Variants in LARS1 observed in about 807,000 individuals in gnomAD.
The protein encoded by LARS1 is leucyl-tRNA synthetase 1, also known as leucine--tRNA ligase, cytoplasmic.
LARS1 carries 100 observed loss-of-function variants against 162.8 expected under a neutral mutation model. The observed-to-expected ratio is 0.61, with a 90% confidence interval of 0.52 to 0.73. The LOEUF is 0.73. Ranked by LOEUF, LARS1 falls within the 30% of genes least tolerant of loss-of-function variation. LARS1 has a pLI of 0.00. For synonymous variants in LARS1, 457 were observed against 462.8 expected (o/e 0.99, Z 0.16); for missense variants, 1,258 against 1,408.9 (o/e 0.89, Z 1.71).
intron 14 of LARS1, among the ~76,000 whole-genome samples, chr5:146,150,725 G>A (rs1260413673): frequency 1.3e-5 from 2 of 151,810 alleles, no homozygotes; most frequent in African/African-American, 4.8e-5. Context: ...ATCACTTGGG[G>A]TCAGGAGTTC....
chr5:146,118,104 T>G (rs991148855), intron 31 of LARS1, among the ~76,000 whole-genome samples: 1 of 152,158 alleles, frequency 6.6e-6, no homozygotes, highest in African/African-American at 2.4e-5. Flanking sequence ...ATAGCCAAGA[T>G]ATGCAATCAA....
At chr5:146,164,200 A>T in intron 6 of LARS1, 110 bp downstream of exon 6, 1 of 1,128,226 alleles carries the variant, frequency 8.9e-7, no homozygotes, top group Non-Finnish European at 1.3e-6. Flanking sequence ...GGGTTGCCAC[A>T]AATCTTCAAT....
At chr5:146,166,967 G>T (rs139674782) in intron 5 of LARS1, among the ~76,000 whole-genome samples, 1 of 152,038 alleles carries the variant, frequency 6.6e-6, no homozygotes, top group Non-Finnish European at 1.5e-5. Context: ...ACTCCCTAAC[G>T]CTTGAGAACG....
At chr5:146,168,059 C>T in intron 5 of LARS1, 69 bp downstream of exon 5, 1 of 1,306,286 alleles carries the variant, frequency 7.7e-7, no homozygotes, top group South Asian at 1.4e-5. Flanking sequence ...TGTGCTAGTA[C>T]TGGGAATGCA....
At chr5:146,169,990 G>GAAGT (rs1754189238) in intron 4 of LARS1, among the ~76,000 whole-genome samples, 1 of 152,118 alleles carries the variant, frequency 6.6e-6, no homozygotes, top group African/African-American at 2.4e-5. Flanking sequence ...CCTCAACAAT[G>GAAGT]AAGTATTCTT....
intron 6 of LARS1, among the ~76,000 whole-genome samples, chr5:146,163,697 CAAAAA>C (rs895955743): frequency 6.0e-5 from 9 of 151,066 alleles, no homozygotes; most frequent in African/African-American, 2.2e-4. Flanking sequence ...AAAAAACAAA[CAAAAA>C]AAAAGAACTT....
intron 28 of LARS1, among the ~76,000 whole-genome samples, chr5:146,125,966 T>A (rs1008797385): frequency 2.6e-5 from 4 of 151,938 alleles, no homozygotes; most frequent in African/African-American, 9.7e-5. Context: ...CCATTACATA[T>A]CCTACAGTGC....
At position 146,163,618 on chromosome 5, in the gene LARS1, G is replaced by A. The variant is rs571580874; in HGVS notation, c.594+692C>T. ...GAAGAATAGCTTGAACCCGGGAGGC[G>A]GAGGTTGCCGTGAGCCGAGATCACA... is the stretch of plus-strand genomic sequence containing the variant. On this transcript the variant is annotated intron_variant, in intron 6 of 31. Coordinates refer to ENST00000394434, the MANE Select transcript of LARS1 (RefSeq NM_020117.11). Among the ~76,000 whole-genome samples the A allele has an allele frequency of 2.1e-3, 320 of 151,618 alleles. 2 individuals carry two copies. The highest frequency in any genetic ancestry group is 3.1e-3 in the Non-Finnish European group (207 of 67,846).
chr5:146,150,398 C>A (rs1325807027), intron 14 of LARS1, among the ~76,000 whole-genome samples: 2 of 152,052 alleles, frequency 1.3e-5, no homozygotes, highest in African/African-American at 2.4e-5. Context: ...TCTAACATAC[C>A]AAAATACTTC....
At position 146,164,348 on chromosome 5, in the gene LARS1, G is replaced by A; in HGVS notation, c.556C>T (p.Pro186Ser). The A allele has an allele frequency of 6.2e-7, 1 of 1,614,058 alleles. No individual in the cohort carries two copies. Among genetic ancestry groups the A allele is most frequent in the South Asian group, 1.1e-5 (1 of 91,078 alleles). The stretch of plus-strand genomic sequence containing the variant: ...CTTTTTAAATCCTGAATAGCCAGTG[G>A]CGGGAAATAATCAAGCCAATGTTCT... ...EAEHWLDYFPPLAIQDLKRMG... is the reference protein window; with the variant it reads ...EAEHWLDYFPSLAIQDLKRMG... The change falls in exon 6 of 32, where the codon CCA becomes TCA. Residue 186 changes from proline (P) to serine (S), a missense_variant. By Grantham distance (74) the Pro-to-Ser change is moderately conservative. Transcript: ENST00000394434.
intron 27 of LARS1, among the ~76,000 whole-genome samples, chr5:146,127,164 TTC>T (rs1752083173): frequency 6.6e-6 from 1 of 152,108 alleles, no homozygotes; most frequent in Non-Finnish European, 1.5e-5. Flanking sequence ...GCAACTTGTT[TTC>T]TCTTTATTGT....
chr5:146,118,457 A>G (rs1026507714), intron 31 of LARS1, among the ~76,000 whole-genome samples: 2 of 152,188 alleles, frequency 1.3e-5, no homozygotes, highest in Non-Finnish European at 2.9e-5. Flanking sequence ...TACACAGTAG[A>G]TGACTACAGT....
rs1371026877 is a variant in LARS1, at chr5:146,167,799, G to C, written c.432+329C>G. On this transcript the variant is annotated intron_variant, in intron 5 of 31. Transcript: ENST00000394434. ...CCGCCTCGGCCTCCCCAAGTGCTGGGATTACAGGCGTGAGCCACCGCGCCC... is the reference window on the plus strand; with the variant it reads ...CCGCCTCGGCCTCCCCAAGTGCTGGCATTACAGGCGTGAGCCACCGCGCCC... Among the ~76,000 whole-genome samples the C allele has an allele frequency of 2.6e-5, 4 of 151,806 alleles. No individual in the cohort carries two copies. In the South Asian group the frequency reaches 8.3e-4, roughly 32 times the overall value.
chr5:146,136,491 T>C (rs1340747398), intron 21 of LARS1, among the ~76,000 whole-genome samples: 2 of 152,018 alleles, frequency 1.3e-5, no homozygotes, highest in Non-Finnish European at 1.5e-5. Flanking sequence ...TATTTTTTTT[T>C]TTTTTTTGAG....
chr5:146,165,499 C>A (rs1344287655), intron 5 of LARS1, among the ~76,000 whole-genome samples: 3 of 152,070 alleles, frequency 2.0e-5, no homozygotes, highest in Non-Finnish European at 2.9e-5. Context: ...CCACTGTACT[C>A]CAGCCTGGGT....
In LARS1 at chr5:146,122,390, C is replaced by A. The variant is rs1221018871; in HGVS notation, c.3192+102G>T. The A allele has an allele frequency of 6.2e-6, 4 of 649,176 alleles. No individual in the cohort carries two copies. The East Asian group carries it at 1.1e-4, about 18-fold the overall frequency. 40.2% of individuals were successfully genotyped at this position (649,176 alleles called of 1,614,324 possible). Reference sequence around the variant, plus strand: ...AAACCAACCACTTAATTTCTCTGGACCTTACTTTGTTCTATTTTTTAAATG... The same window carrying A: ...AAACCAACCACTTAATTTCTCTGGAACTTACTTTGTTCTATTTTTTAAATG... On this transcript the variant is annotated intron_variant, in intron 30 of 31. Transcript: ENST00000394434.
chr5:146,143,909 G>A (rs1752899328), intron 18 of LARS1, among the ~76,000 whole-genome samples: 1 of 152,134 alleles, frequency 6.6e-6, no homozygotes, highest in Admixed American at 6.5e-5. Flanking sequence ...GGTTGAGGCA[G>A]GAGAATCGCT....
intron 19 of LARS1, 90 bp from the exon 20 acceptor site, chr5:146,143,174 A>G: frequency 1.2e-6 from 1 of 832,134 alleles, no homozygotes; most frequent in Non-Finnish European, 1.7e-6. Context: ...ATGGATTAGG[A>G]ATCTCTTTCT....
chr5:146,117,357 C>T (rs185241062), intron 31 of LARS1, among the ~76,000 whole-genome samples: 16 of 152,242 alleles, frequency 1.1e-4, no homozygotes, highest in African/African-American at 3.6e-4. Context: ...TCCCTGTGAT[C>T]CCAGCACTTT....
Sources: gnomAD v4.1 joint callset for allele counts (sites outside exome capture counted in the v4.1 genomes callset) on GRCh38, gnomAD v4.1.1 for gene constraint, MANE v1.5 for transcripts, NCBI Gene and HGNC (gene_info 2026-07-23, HGNC 2026-07-21) for gene names.